Variants in TACC1 observed in about 807,000 individuals in gnomAD.
TACC1 encodes the protein transforming acidic coiled-coil-containing protein 1.
A neutral mutation model predicts 84.4 loss-of-function variants in TACC1; 48 were observed. That is an observed-to-expected ratio of 0.57 (90% confidence interval 0.45 to 0.72). TACC1 has a LOEUF of 0.72. TACC1 is among the 30% of genes least tolerant of loss of function. The pLI, the probability that TACC1 is intolerant of heterozygous loss-of-function variation, is 0.00. For synonymous variants in TACC1, 372 were observed against 376.3 expected, an observed-to-expected ratio of 0.99 and a Z score of 0.13; for missense variants, 920 against 973.0, an observed-to-expected ratio of 0.95 and a Z score of 0.72.
Position 38,787,661 on chromosome 8 carries a change from G to A in TACC1, c.79G>A (p.Ala27Thr). The A allele has an allele frequency of 6.5e-7, 1 of 1,548,922 alleles. No individual in the cohort carries two copies. The highest frequency in any genetic ancestry group is 8.7e-7 in the Non-Finnish European group (1 of 1,148,824). The stretch of plus-strand genomic sequence containing the variant: ...GTGGTCTGCGGTACGCGGCGGGGCC[G>A]CCGGCGAGGACGAGGCTGGCGGGCC... ...WTWSAVRGGAAGEDEAGGPEG... is the reference protein window; with the variant it reads ...WTWSAVRGGATGEDEAGGPEG... Residue 27 changes from alanine (A) to threonine (T), a missense_variant, in exon 1 of 13, where the codon GCC becomes ACC. Transcript: ENST00000317827.
At chr8:38,796,123 C>G (rs1172108137) in intron 2 of TACC1, among the ~76,000 whole-genome samples, 1 of 152,198 alleles carries the variant, frequency 6.6e-6, no homozygotes, top group Non-Finnish European at 1.5e-5. Context: ...GTGTTGGGAA[C>G]AAGTAATCTT....
chr8:38,777,431 C>A (rs568947648), intron 3 of TACC1, among the ~76,000 whole-genome samples: 1 of 152,134 alleles, frequency 6.6e-6, no homozygotes, highest in Non-Finnish European at 1.5e-5. Flanking sequence ...AGTTGTGACA[C>A]GCAGTTCACA....
intron 3 of TACC1, among the ~76,000 whole-genome samples, chr8:38,762,931 G>C (rs1811506521): frequency 6.6e-6 from 1 of 152,158 alleles, no homozygotes; most frequent in Non-Finnish European, 1.5e-5. Flanking sequence ...GCTCTTTGGA[G>C]TATAAACCTA....
At chr8:38,743,103 T>A (rs73611010) in intron 2 of TACC1, among the ~76,000 whole-genome samples, 1 of 152,190 alleles carries the variant, frequency 6.6e-6, no homozygotes, top group Non-Finnish European at 1.5e-5. Flanking sequence ...AGTCAGTTTC[T>A]TATTTTTTAT....
chr8:38,760,057 G>C (rs964721785), intron 3 of TACC1, among the ~76,000 whole-genome samples: 1 of 151,786 alleles, frequency 6.6e-6, no homozygotes, highest in Non-Finnish European at 1.5e-5. Context: ...ATACATGAAA[G>C]TCATATGAAT....
chr8:38,843,689 C>T (rs1380066500), intron 11 of TACC1: 3 of 182,504 alleles, frequency 1.6e-5, no homozygotes, highest in East Asian at 2.5e-4. Context: ...TAGCATACTT[C>T]GCTATTTTTG....
At chr8:38,778,971 G>GTT (rs113257559) in intron 3 of TACC1, among the ~76,000 whole-genome samples, 38 of 139,926 alleles carry the variant, frequency 2.7e-4, no homozygotes, top group East Asian at 4.2e-4. Flanking sequence ...GGGTCCTTGG[G>GTT]TTTTTTTTTT....
chr8:38,732,516 G>A (rs1484183933), intron 1 of TACC1, among the ~76,000 whole-genome samples: 2 of 152,078 alleles, frequency 1.3e-5, no homozygotes, highest in Non-Finnish European at 1.5e-5. Flanking sequence ...GCCTGAGTCT[G>A]GATTACATGT....
At chr8:38,779,745 C>G (rs539650729) in intron 3 of TACC1, among the ~76,000 whole-genome samples, 1 of 152,294 alleles carries the variant, frequency 6.6e-6, no homozygotes, top group South Asian at 2.1e-4. Context: ...GAGGCCAGGA[C>G]CTTCTGAAAC....
chr8:38,827,390 C>G lies in TACC1; in HGVS notation c.1660+15C>G. ...CTCAGAAGCAGGTATGGAAGCATAT[C>G]TTCATCTTTCTAATGTACATAAGCA... On this transcript the variant is annotated intron_variant, in intron 5 of 12. Transcript: ENST00000317827. The G allele has an allele frequency of 6.2e-7, 1 of 1,612,486 alleles. No individual in the cohort carries two copies. Among genetic ancestry groups the G allele is most frequent in the Non-Finnish European group, 8.5e-7 (1 of 1,178,492 alleles).
At chr8:38,827,546 T>C in intron 5 of TACC1, 171 bp downstream of exon 5, 1 of 656,758 alleles carries the variant, frequency 1.5e-6, no homozygotes, top group Middle Eastern at 2.6e-4. Context: ...CACAAAGTGC[T>C]TATTGAAGTA....
chr8:38,757,209 G>GCGCCCCCC, intron 3 of TACC1: 1 of 262,220 alleles, frequency 3.8e-6, no homozygotes, highest in Non-Finnish European at 7.5e-6. Flanking sequence ...ACGGCCGGGC[G>GCGCCCCCC]CCCCACCCCG....
intron 2 of TACC1, 136 bp downstream of exon 2, chr8:38,788,955 G>A: frequency 1.5e-6 from 1 of 678,580 alleles, no homozygotes; most frequent in Non-Finnish European, 2.5e-6. Flanking sequence ...GAAACCTCCT[G>A]GCTTATGTAT....
intron 3 of TACC1, among the ~76,000 whole-genome samples, chr8:38,773,589 GCTATCTATCTATCTAGCTAT>G (rs2151904066): frequency 6.9e-6 from 1 of 144,832 alleles, no homozygotes; most frequent in African/African-American, 2.7e-5. Flanking sequence ...TATCTATCTA[GCTATCTATCTATCTAGCTAT>G]CTATCTAGCT....
At chr8:38,846,455 AT>A (rs1186132090) in intron 11 of TACC1, 6 of 346,358 alleles carry the variant, frequency 1.7e-5, no homozygotes, top group Admixed American at 4.6e-5. Context: ...AAAAAAAAAA[AT>A]CTAAGACTGT....
rs1219968369 is a variant in TACC1, at chr8:38,840,205, T to G, written c.1917-19T>G. ...CTGAAAATCCTCCTCTGGTAATAAG[T>G]TCTTTTTTTCTCATTTAGGAAAATT... On this transcript the variant is annotated intron_variant, in intron 8 of 12. Transcript: ENST00000317827. 1 of 1,595,250 alleles carries G rather than the reference T, an allele frequency of 6.3e-7. No homozygotes were observed. Among genetic ancestry groups the G allele is most frequent in the Non-Finnish European group, 8.6e-7 (1 of 1,165,654 alleles).
chr8:38,741,318 G>A (rs1180481948), intron 1 of TACC1, among the ~76,000 whole-genome samples: 1 of 151,984 alleles, frequency 6.6e-6, no homozygotes, highest in Non-Finnish European at 1.5e-5. Context: ...ACCATGCCTG[G>A]CTGATTTTTT....
Position 38,849,881 on chromosome 8 carries a change from C to CT in TACC1, c.*1859dup, listed in dbSNP as rs1162594935. 1 of 152,616 alleles carries CT rather than the reference C, an allele frequency of 6.6e-6. No homozygotes were observed. 9.5% of individuals were successfully genotyped at this position (152,616 alleles called of 1,614,324 possible). Reference sequence around the variant, plus strand: ...TGGTCATAGTACCAAGGGCACGTGTCTCCCCTTGGTATAACTGATTTCCTT... The same window carrying CT: ...TGGTCATAGTACCAAGGGCACGTGTCTTCCCCTTGGTATAACTGATTTCCTT... On this transcript the variant is annotated 3_prime_UTR_variant, in exon 13 of 13. Transcript: ENST00000317827.
In TACC1 at chr8:38,819,989, G is replaced by C; in HGVS notation, c.745G>C (p.Asp249His). The C allele has an allele frequency of 1.9e-6, 3 of 1,614,028 alleles. No homozygotes were observed. The highest frequency in any genetic ancestry group is 2.5e-6 in the Non-Finnish European group (3 of 1,180,042). Residue 249 changes from aspartate to histidine, a missense_variant, in exon 3 of 13, where the codon GAC becomes CAC. Transcript: ENST00000317827. ...GAAAGCAATTGGAGGAGAGTTCTCAGACACCAACGCTGCTGTGGAGGGCAC... is the reference window on the plus strand; with the variant it reads ...GAAAGCAATTGGAGGAGAGTTCTCACACACCAACGCTGCTGTGGAGGGCAC... The part of the protein sequence containing the change: ...RKKAIGGEFS[D>H]TNAAVEGTPL...
Sources: gnomAD v4.1 joint callset for allele counts (sites outside exome capture counted in the v4.1 genomes callset) on GRCh38, gnomAD v4.1.1 for gene constraint, MANE v1.5 for transcripts, NCBI Gene and HGNC (gene_info 2026-07-23, HGNC 2026-07-21) for gene names.